NFE2L3: variants seen among roughly 807,000 people sequenced by gnomAD.
The protein encoded by NFE2L3 is NFE2 like bZIP transcription factor 3.
NFE2L3 carries 18 observed loss-of-function variants against 23.5 expected under a neutral mutation model. The observed-to-expected ratio is 0.77, with a 90% CI of 0.53 to 1.13. NFE2L3 has a LOEUF of 1.13. Among genes scored for constraint, NFE2L3 ranks in the 50% most tolerant of loss-of-function variants. NFE2L3 has a pLI of 0.00. For synonymous variants in NFE2L3, 424 were observed against 354.5 expected (o/e 1.20, Z -2.20); for missense variants, 1,152 against 877.2 (o/e 1.31, Z -3.96).
Position 26,152,406 on chromosome 7 carries a change from G to A in NFE2L3, c.-93G>A, listed in dbSNP as rs1784009733. ...GCTTATCTGGGTTCCAGGCAGGTGC[G>A]GGCGGCGCGCGGGGTCCGCACGTGT... On this transcript the variant is annotated 5_prime_UTR_variant, in exon 1 of 4. Coordinates refer to ENST00000056233, the MANE Select transcript of NFE2L3 (RefSeq NM_004289.7). This position sits in a 1 kb window ranked among gnomAD's most constrained non-coding sequence, Gnocchi z 4.4. The A allele has an allele frequency of 1.1e-6, 1 of 916,460 alleles. No homozygotes were observed. The highest frequency in any genetic ancestry group is 1.4e-6 in the Non-Finnish European group (1 of 717,292). The allele number at this position is 916,460 out of a possible 1,614,324, so 56.8% of individuals were successfully genotyped here. A position where few individuals can be genotyped will look rare whatever the true frequency, so the allele number is the denominator to read the frequency against.
intron 1 of NFE2L3, among the ~76,000 whole-genome samples, chr7:26,171,366 A>T (rs941144790): frequency 4.6e-5 from 7 of 152,152 alleles, no homozygotes; most frequent in Admixed American, 3.3e-4. Context: ...CAACATGGTG[A>T]AACCTCGTTT....
At chr7:26,164,792 T>G (rs1784223870) in intron 1 of NFE2L3, among the ~76,000 whole-genome samples, 1 of 152,236 alleles carries the variant, frequency 6.6e-6, no homozygotes, top group Admixed American at 6.5e-5. Flanking sequence ...TGGTTTTAGG[T>G]CTAACATTTA....
At chr7:26,183,316 G>A (rs1453956467) in intron 2 of NFE2L3, among the ~76,000 whole-genome samples, 4 of 152,164 alleles carry the variant, frequency 2.6e-5, no homozygotes, top group Admixed American at 6.5e-5. Context: ...GGGAGGCCTA[G>A]GTGGGTGGAT....
Position 26,183,711 on chromosome 7 carries a change from A to C in NFE2L3, c.761A>C (p.Asn254Thr). 1 of 1,609,738 alleles carries C rather than the reference A, an allele frequency of 6.2e-7. No individual in the cohort carries two copies. The highest frequency in any genetic ancestry group is 1.1e-5 in the South Asian group (1 of 90,990). ...TGTGTTTCTCTACAGAGACATCTGA[A>C]TGGGACAGATACTTCTTTCTCTCTG... is the stretch of plus-strand genomic sequence containing the variant. ...TTESRNERHLNGTDTSFSLED... is the reference protein window; with the variant it reads ...TTESRNERHLTGTDTSFSLED... Residue 254 changes from asparagine (N) to threonine (T), a missense_variant, in exon 3 of 4, where the codon AAT becomes ACT. Coordinates refer to ENST00000056233, the MANE Select transcript of NFE2L3 (RefSeq NM_004289.7).
At chr7:26,181,119 G>A (rs1353518970) in intron 2 of NFE2L3, among the ~76,000 whole-genome samples, 1 of 152,092 alleles carries the variant, frequency 6.6e-6, no homozygotes, top group Non-Finnish European at 1.5e-5. Context: ...GGGGCTATAG[G>A]TGCACACCAC....
Position 26,183,700 on chromosome 7 carries a change from G to A in NFE2L3, c.751-1G>A. The A allele has an allele frequency of 6.2e-7, 1 of 1,601,906 alleles. No homozygotes were observed. On this transcript the variant is annotated splice_acceptor_variant, in intron 2 of 3. Coordinates refer to ENST00000056233, the MANE Select transcript of NFE2L3 (RefSeq NM_004289.7). LOFTEE classifies it high-confidence loss of function. ...GATGCACTTTTTGTGTTTCTCTACA[G>A]AGACATCTGAATGGGACAGATACTT...
rs1472751803 is a variant in NFE2L3, at chr7:26,184,383, T to G, written c.835-150T>G. ...GACTCACATCTCGTATTGTATTGCC[T>G]GTATTTAACTAGGAAGTTACTGCCA... On this transcript the variant is annotated intron_variant, in intron 3 of 3. Coordinates refer to ENST00000056233, the MANE Select transcript of NFE2L3 (RefSeq NM_004289.7). 4.6e-6 allele frequency: 3 copies of G among 653,430 alleles called. No homozygotes were observed. The African/African-American group carries it at 6.6e-5, about 14-fold the overall frequency. The allele number at this position is 653,430 out of a possible 1,614,324, so 40.5% of individuals were successfully genotyped here.
intron 1 of NFE2L3, 71 bp from the exon 2 acceptor site, chr7:26,177,872 T>C (rs1332424983): frequency 3.8e-6 from 5 of 1,325,306 alleles, no homozygotes; most frequent in Non-Finnish European, 4.2e-6. Context: ...GTTTTCATGG[T>C]CCCTGAACAA....
intron 1 of NFE2L3, among the ~76,000 whole-genome samples, chr7:26,163,010 T>C: frequency 6.6e-6 from 1 of 152,058 alleles, no homozygotes; most frequent in Non-Finnish European, 1.5e-5. Context: ...CATTTTATTA[T>C]GGAAAATATC....
chr7:26,163,801 C>G (rs962940743), intron 1 of NFE2L3, among the ~76,000 whole-genome samples: 8 of 151,904 alleles, frequency 5.3e-5, no homozygotes, highest in Non-Finnish European at 8.8e-5. Flanking sequence ...TGCTATCCCT[C>G]CCTCCTCCCC....
intron 1 of NFE2L3, chr7:26,174,569 T>A (rs1470463398): frequency 1.3e-5 from 2 of 152,216 alleles, no homozygotes; most frequent in Admixed American, 1.3e-4. Context: ...ATCTACAGTG[T>A]CTAGAGGGAA....
chr7:26,158,413 A>G (rs1259940973), intron 1 of NFE2L3, among the ~76,000 whole-genome samples: 3 of 152,176 alleles, frequency 2.0e-5, no homozygotes, highest in Non-Finnish European at 2.9e-5. Flanking sequence ...AGTTCAATCT[A>G]TAACAATCAC....
intron 3 of NFE2L3, 119 bp downstream of exon 3, chr7:26,183,903 GA>G (rs1782401244): frequency 1.5e-6 from 1 of 687,714 alleles, no homozygotes; most frequent in Non-Finnish European, 2.6e-6. Flanking sequence ...TATTTTTACA[GA>G]AGCACTTCAG....
chr7:26,169,894 T>C (rs1240107056), intron 1 of NFE2L3, among the ~76,000 whole-genome samples: 1 of 151,832 alleles, frequency 6.6e-6, no homozygotes, highest in Non-Finnish European at 1.5e-5. Flanking sequence ...GCCCAGAAGT[T>C]CAAGACCAGC....
chr7:26,184,261 A>G lies in NFE2L3; in HGVS notation c.835-272A>G, dbSNP rs1464256048. ...TCTTATTATAAAGTAGCAAATTACA[A>G]GATTGTAACATTAGACTTTTTAAGA... On this transcript the variant is annotated intron_variant, in intron 3 of 3. Transcript: ENST00000056233. 2.4e-5 allele frequency: 10 copies of G among 410,770 alleles called. No individual in the cohort carries two copies. The Admixed American group carries it at 2.9e-4, about 12-fold the overall frequency. The allele number at this position is 410,770 out of a possible 1,614,324, so 25.4% of individuals were successfully genotyped here. A position where few individuals can be genotyped will look rare whatever the true frequency, so the allele number is the denominator to read the frequency against.
chr7:26,156,516 T>A (rs1583925046), intron 1 of NFE2L3, among the ~76,000 whole-genome samples: 1 of 152,192 alleles, frequency 6.6e-6, no homozygotes, highest in Non-Finnish European at 1.5e-5. Context: ...ATCTGAAAAC[T>A]GACTCTGGAA....
At chr7:26,180,800 T>TA (rs1258680310) in intron 2 of NFE2L3, among the ~76,000 whole-genome samples, 2 of 152,112 alleles carry the variant, frequency 1.3e-5, no homozygotes, top group Non-Finnish European at 1.5e-5. Context: ...ATTTAAAATG[T>TA]AATTTGACAT....
At position 26,186,964 on chromosome 7, in the gene NFE2L3, C is replaced by G. The variant is rs1171741580; in HGVS notation, c.*1181C>G. 1 of 152,190 alleles carries G rather than the reference C, an allele frequency of 6.6e-6. No individual in the cohort carries two copies. Among genetic ancestry groups the G allele is most frequent in the African/African-American group, 2.4e-5 (1 of 41,428 alleles). 9.4% of individuals were successfully genotyped at this position (152,190 alleles called of 1,614,324 possible). On this transcript the variant is annotated 3_prime_UTR_variant, in exon 4 of 4. Coordinates refer to ENST00000056233, the MANE Select transcript of NFE2L3 (RefSeq NM_004289.7). ...GGGAACATCAAGATTTTGACGGGTACTATAATGCTTAATATGTCCAAATTT... is the reference window on the plus strand; with the variant it reads ...GGGAACATCAAGATTTTGACGGGTAGTATAATGCTTAATATGTCCAAATTT...
chr7:26,180,692 C>A (rs1331119462), intron 2 of NFE2L3, among the ~76,000 whole-genome samples: 1 of 151,958 alleles, frequency 6.6e-6, no homozygotes, highest in Non-Finnish European at 1.5e-5. Flanking sequence ...CCCAGAAAAG[C>A]AAGAACTGTA....
Sources: gnomAD v4.1 joint callset for allele counts (sites outside exome capture counted in the v4.1 genomes callset) on GRCh38, gnomAD v4.1.1 for gene constraint, Gnocchi (gnomAD v3.1) non-coding constraint, MANE v1.5 for transcripts, NCBI Gene and HGNC (gene_info 2026-07-23, HGNC 2026-07-21) for gene names.